NKTR: variants seen among roughly 807,000 people sequenced by gnomAD.
The protein encoded by NKTR is NK-tumor recognition protein.
NKTR carries 67 observed loss-of-function variants against 156.3 expected under a neutral mutation model. The ratio of observed to expected loss-of-function variants is 0.43; its 90% CI spans 0.35 to 0.53. The LOEUF is 0.53. Among genes scored for constraint, NKTR ranks in the 20% least tolerant of loss-of-function variants. The pLI is 0.01. For missense variants in NKTR, 1,604 were observed against 1,730.9 expected, an observed-to-expected ratio of 0.93 and a Z score of 1.30; for synonymous variants, 640 against 596.6, an observed-to-expected ratio of 1.07 and a Z score of -1.06.
In NKTR at chr3:42,646,202, G is replaced by T; in HGVS notation, c.*227G>T. The T allele has an allele frequency of 5.4e-6, 2 of 371,322 alleles. No individual in the cohort carries two copies. Among genetic ancestry groups the T allele is most frequent in the South Asian group, 5.9e-5 (1 of 17,050 alleles). 23.0% of individuals were successfully genotyped at this position (371,322 alleles called of 1,614,324 possible). ...TTTTACAGTAGCCAACTATGGAAAT[G>T]AATTTCATTTTCTTGAATCAAGAAA... On this transcript the variant is annotated 3_prime_UTR_variant, in exon 17 of 17. Coordinates refer to ENST00000232978, the MANE Select transcript of NKTR (RefSeq NM_005385.4).
Position 42,646,481 on chromosome 3 carries a change from G to C in NKTR, c.*506G>C, listed in dbSNP as rs1285399804. 6.5e-6 allele frequency: 1 copy of C among 153,962 alleles called. No individual in the cohort carries two copies. The highest frequency in any genetic ancestry group is 2.4e-5 in the African/African-American group (1 of 41,428). 9.5% of individuals were successfully genotyped at this position (153,962 alleles called of 1,614,324 possible). A position where few individuals can be genotyped will look rare whatever the true frequency, so the allele number is the denominator to read the frequency against. ...ATACTGTTGGTAACCAGGAGTATAA[G>C]GCAGTGGCTCTGGGGTTCTTAATTC... is the stretch of plus-strand genomic sequence containing the variant. On this transcript the variant is annotated 3_prime_UTR_variant, in exon 17 of 17. Transcript: ENST00000232978.
chr3:42,620,457 C>G, intron 5 of NKTR: 2 of 990,810 alleles, frequency 2.0e-6, no homozygotes, highest in South Asian at 4.7e-5. Flanking sequence ...GTAATGAAAT[C>G]TAATATTACT....
chr3:42,636,083 T>C (rs915610265), intron 12 of NKTR, among the ~76,000 whole-genome samples: 2 of 152,200 alleles, frequency 1.3e-5, no homozygotes, highest in Admixed American at 6.5e-5. Context: ...CCTTCAGTGA[T>C]GTCCCACAGT....
Position 42,639,583 on chromosome 3 carries a change from T to C in NKTR, c.3879T>C (p.Asn1293=). The C allele has an allele frequency of 5.6e-6, 9 of 1,614,120 alleles. No homozygotes were observed. Among genetic ancestry groups the C allele is most frequent in the Non-Finnish European group, 7.6e-6 (9 of 1,180,002 alleles). ...CACGCTTAAACCGTAGACCAAGAAA[T>C]CAGGAGAGTTCAAGTGATGAGCAGA... ...KTARLNRRPR[N]QESSSDEQTP... is the part of the protein sequence containing the mutation. Residue 1293 remains asparagine (N), a synonymous_variant, in exon 13 of 17, where the codon AAT becomes AAC. Transcript: ENST00000232978.
At chr3:42,645,423 G>A (rs918361122) in intron 16 of NKTR, among the ~76,000 whole-genome samples, 1 of 152,108 alleles carries the variant, frequency 6.6e-6, no homozygotes, top group Non-Finnish European at 1.5e-5. Context: ...GGTGGCTCAC[G>A]CCTGTAATCC....
intron 2 of NKTR, among the ~76,000 whole-genome samples, chr3:42,603,213 T>G (rs921361434): frequency 6.6e-6 from 1 of 151,610 alleles, no homozygotes; most frequent in Non-Finnish European, 1.5e-5. Context: ...AAAACAATTT[T>G]TTTTTAATTA....
chr3:42,602,649 A>G (rs1225086674), intron 2 of NKTR: 4 of 148,112 alleles, frequency 2.7e-5, no homozygotes, highest in African/African-American at 5.0e-5. Flanking sequence ...TTTTTTTTAA[A>G]TAAGTGTTAC....
intron 2 of NKTR, chr3:42,612,288 G>C (rs1233198676): frequency 1.3e-5 from 2 of 152,076 alleles, no homozygotes; most frequent in Non-Finnish European, 2.9e-5. Context: ...ATGAAAGTGA[G>C]TACCTGTTGA....
At chr3:42,616,778 G>A (rs1324185542) in intron 2 of NKTR, among the ~76,000 whole-genome samples, 1 of 152,126 alleles carries the variant, frequency 6.6e-6, no homozygotes, top group African/African-American at 2.4e-5. Context: ...GTCTTGCTCT[G>A]TCACCTAGGC....
In NKTR at chr3:42,604,720, G is replaced by A. The variant is rs1187095812; in HGVS notation, c.58+3656G>A. 1.3e-4 allele frequency among the ~76,000 whole-genome samples: 15 copies of A among 111,564 alleles called. 1 individual carries two copies. Among genetic ancestry groups the A allele is most frequent in the South Asian group, 5.9e-4 (2 of 3,408 alleles). The allele number at this position is 111,564 out of a possible 152,430, so 73.2% of individuals were successfully genotyped here. A position where few individuals can be genotyped will look rare whatever the true frequency, so the allele number is the denominator to read the frequency against. On this transcript the variant is annotated intron_variant, in intron 2 of 16. Transcript: ENST00000232978. ...TTTTGAGACTGAGTCTTGCTCTGTC[G>A]CCCAGGCTGGAATGCTGGAGTGCAG...
At chr3:42,618,586 A>T (rs1319122396) in intron 3 of NKTR, among the ~76,000 whole-genome samples, 1 of 151,478 alleles carries the variant, frequency 6.6e-6, no homozygotes, top group Non-Finnish European at 1.5e-5. Context: ...CTGGGACTAC[A>T]GGCCTGTGCC....
chr3:42,630,721 A>G (rs1708817214), intron 7 of NKTR, 146 bp downstream of exon 7: 1 of 1,455,592 alleles, frequency 6.9e-7, no homozygotes, highest in Non-Finnish European at 9.1e-7. Flanking sequence ...ATCACAGAAT[A>G]TACTTGTTTT....
Position 42,638,318 on chromosome 3 carries a change from G to A in NKTR, c.2614G>A (p.Gly872Ser). 1 of 1,610,194 alleles carries A rather than the reference G, an allele frequency of 6.2e-7. No individual in the cohort carries two copies. Among genetic ancestry groups the A allele is most frequent in the Non-Finnish European group, 8.5e-7 (1 of 1,178,990 alleles). Residue 872 changes from glycine to serine, a missense_variant, in exon 13 of 17, where the codon GGC (glycine) becomes AGC (serine). Gly to Ser is a moderately conservative substitution (Grantham distance 56). Coordinates refer to ENST00000232978, the MANE Select transcript of NKTR (RefSeq NM_005385.4). The stretch of plus-strand genomic sequence containing the variant: ...GAATCTTTCTGATCACCTTAGAAAT[G>A]GCAGTAAGCCCAAAAGGAAGAATTA... Reference protein sequence around the residue: ...KENLSDHLRNGSKPKRKNYAG... With the variant: ...KENLSDHLRNSSKPKRKNYAG...
chr3:42,617,481 T>C, intron 2 of NKTR, 89 bp from the exon 3 acceptor site: 1 of 662,764 alleles, frequency 1.5e-6, no homozygotes, highest in Non-Finnish European at 2.7e-6. Context: ...AAAATAGACT[T>C]TCTAATTTGT....
At chr3:42,608,563 G>A (rs1000315928) in intron 2 of NKTR, among the ~76,000 whole-genome samples, 4 of 152,144 alleles carry the variant, frequency 2.6e-5, no homozygotes, top group Admixed American at 6.5e-5. Context: ...CATTTAGGGG[G>A]TTTTGTGGCT....
intron 8 of NKTR, 55 bp from the exon 9 acceptor site, chr3:42,632,546 C>A: frequency 9.3e-7 from 1 of 1,077,348 alleles, no homozygotes; most frequent in Non-Finnish European, 1.4e-6. Context: ...ATTTTTTACT[C>A]TGAAAGGTAG....
rs561197482 is a variant in NKTR at position 42,624,666 on chromosome 3, A to G, written c.374+3150A>G. The stretch of plus-strand genomic sequence containing the variant: ...ATGCTGCATACTTATTCATATTATT[A>G]ATGCCTTTACTATAAATTTAAGCTT... On this transcript the variant is annotated intron_variant, in intron 6 of 16. Coordinates refer to ENST00000232978, the MANE Select transcript of NKTR (RefSeq NM_005385.4). 7.2e-5 allele frequency among the ~76,000 whole-genome samples: 11 copies of G among 152,210 alleles called. No homozygotes were observed. In the East Asian group the frequency reaches 2.1e-3, roughly 29 times the overall value.
intron 2 of NKTR, among the ~76,000 whole-genome samples, chr3:42,608,404 T>C (rs1706444323): frequency 2.0e-5 from 3 of 152,068 alleles, no homozygotes; most frequent in Non-Finnish European, 2.9e-5. Flanking sequence ...TGGTTTATTA[T>C]AAAGGATATA....
At chr3:42,602,176 T>C (rs1705562694) in intron 2 of NKTR, 1 of 152,206 alleles carries the variant, frequency 6.6e-6, no homozygotes, top group African/African-American at 2.4e-5. Flanking sequence ...TAATACCTTT[T>C]TTTGGTAACT....
Sources: allele counts gnomAD v4.1 joint callset (sites outside exome capture counted in the v4.1 genomes callset), GRCh38; gene constraint gnomAD v4.1.1; transcripts MANE v1.5; gene names NCBI Gene and HGNC (gene_info 2026-07-23, HGNC 2026-07-21).